GABRB1: variants seen among roughly 807,000 people sequenced by gnomAD.
GABRB1 encodes the protein gamma-aminobutyric acid receptor subunit beta-1.
A neutral mutation model predicts 51.6 loss-of-function variants in GABRB1; 17 were observed. The observed-to-expected ratio is 0.33, with a 90% CI of 0.23 to 0.49. The LOEUF (loss-of-function observed/expected upper bound fraction) is 0.49. GABRB1 is among the 20% of genes least tolerant of loss of function. GABRB1 has a pLI of 0.99. For missense variants in GABRB1, 410 were observed against 600.6 expected, an observed-to-expected ratio of 0.68 and a Z score of 3.32; for synonymous variants, 247 against 218.9, an observed-to-expected ratio of 1.13 and a Z score of -1.14.
chr4:47,137,751 C>A (rs961476872), intron 3 of GABRB1, among the ~76,000 whole-genome samples: 2 of 152,032 alleles, frequency 1.3e-5, no homozygotes, highest in African/African-American at 4.8e-5. Flanking sequence ...GTTATGTGAA[C>A]TATTTTCTTG....
intron 1 of GABRB1, among the ~76,000 whole-genome samples, chr4:47,017,495 C>T (rs1483287135): frequency 6.6e-6 from 1 of 152,086 alleles, no homozygotes; most frequent in Non-Finnish European, 1.5e-5. Context: ...CTATGACAAC[C>T]ACTGTAAGAA....
intron 3 of GABRB1, among the ~76,000 whole-genome samples, chr4:47,051,243 G>A (rs542626874): frequency 2.0e-5 from 3 of 152,242 alleles, no homozygotes; most frequent in African/African-American, 4.8e-5. Flanking sequence ...TTTGTTTCAG[G>A]GAAATGTTAA....
chr4:47,395,680 A>G (rs1340487240), intron 5 of GABRB1, among the ~76,000 whole-genome samples: 1 of 152,200 alleles, frequency 6.6e-6, no homozygotes, highest in Non-Finnish European at 1.5e-5. Context: ...TTGACTGTTA[A>G]TTTACTCACA....
At chr4:47,234,001 T>A (rs1486075755) in intron 4 of GABRB1, among the ~76,000 whole-genome samples, 1 of 152,208 alleles carries the variant, frequency 6.6e-6, no homozygotes, top group African/African-American at 2.4e-5. Flanking sequence ...TATTGCTTGA[T>A]GTGTGACAGA....
chr4:47,338,591 T>C (rs1258740051), intron 5 of GABRB1, among the ~76,000 whole-genome samples: 1 of 152,226 alleles, frequency 6.6e-6, no homozygotes, highest in Non-Finnish European at 1.5e-5. Flanking sequence ...GACACGTATT[T>C]CTCCCTATTA....
chr4:47,240,924 C>T (rs1721496298), intron 4 of GABRB1, among the ~76,000 whole-genome samples: 1 of 152,014 alleles, frequency 6.6e-6, no homozygotes, highest in African/African-American at 2.4e-5. Context: ...GCCTCCAATC[C>T]CTATATAATG....
chr4:47,245,046 T>C (rs991794741), intron 4 of GABRB1, among the ~76,000 whole-genome samples: 1 of 152,110 alleles, frequency 6.6e-6, no homozygotes, highest in African/African-American at 2.4e-5. Context: ...AAAAAATCCG[T>C]GAATCCAGGA....
chr4:47,063,316 ATATT>A (rs1560516939), intron 3 of GABRB1, among the ~76,000 whole-genome samples: 1 of 152,160 alleles, frequency 6.6e-6, no homozygotes, highest in Non-Finnish European at 1.5e-5. Context: ...ATGAAAGTGA[ATATT>A]TATTTAAGAT....
At chr4:47,065,020 G>GA (rs947774306) in intron 3 of GABRB1, among the ~76,000 whole-genome samples, 6 of 152,154 alleles carry the variant, frequency 3.9e-5, no homozygotes, top group Non-Finnish European at 8.8e-5. Context: ...TATTTAATTG[G>GA]AAAATACACA....
chr4:47,372,003 A>G (rs1727215336), intron 5 of GABRB1, among the ~76,000 whole-genome samples: 1 of 151,982 alleles, frequency 6.6e-6, no homozygotes, highest in African/African-American at 2.4e-5. Context: ...TTATTGTGAA[A>G]TCTTTGCCTG....
chr4:47,175,499 A>G (rs1429728872), intron 4 of GABRB1, among the ~76,000 whole-genome samples: 2 of 152,206 alleles, frequency 1.3e-5, no homozygotes, highest in African/African-American at 2.4e-5. Flanking sequence ...TCTTAACACT[A>G]TCTCCCTGAT....
chr4:47,287,048 G>A (rs1201151941), intron 4 of GABRB1, among the ~76,000 whole-genome samples: 1 of 152,142 alleles, frequency 6.6e-6, no homozygotes, highest in Non-Finnish European at 1.5e-5. Context: ...CATTGGCCCA[G>A]AGTATGTTCT....
At chr4:47,372,550 A>T (rs771394374) in intron 5 of GABRB1, among the ~76,000 whole-genome samples, 1 of 152,138 alleles carries the variant, frequency 6.6e-6, no homozygotes, top group Non-Finnish European at 1.5e-5. Flanking sequence ...CCAATTTAAA[A>T]TTTCAATCTC....
At chr4:47,210,803 G>A (rs1720324261) in intron 4 of GABRB1, among the ~76,000 whole-genome samples, 1 of 152,144 alleles carries the variant, frequency 6.6e-6, no homozygotes, top group African/African-American at 2.4e-5. Flanking sequence ...GAACTCTGGT[G>A]GGAGACAGAC....
intron 3 of GABRB1, among the ~76,000 whole-genome samples, chr4:47,110,789 C>A (rs1347892402): frequency 1.3e-5 from 2 of 152,112 alleles, no homozygotes; most frequent in Non-Finnish European, 2.9e-5. Context: ...AAAGATGAAG[C>A]AACATTAATT....
chr4:47,339,674 G>T (rs184847872), intron 5 of GABRB1, among the ~76,000 whole-genome samples: 1 of 151,970 alleles, frequency 6.6e-6, no homozygotes, highest in Admixed American at 6.6e-5. Flanking sequence ...CCCAGGAGAA[G>T]TTAAATGAAT....
chr4:47,257,109 A>G (rs1578040428), intron 4 of GABRB1, among the ~76,000 whole-genome samples: 1 of 152,192 alleles, frequency 6.6e-6, no homozygotes, highest in Non-Finnish European at 1.5e-5. Context: ...CTGGTAGAAG[A>G]TCAGACATAG....
intron 7 of GABRB1, 90 bp from the exon 8 acceptor site, chr4:47,406,592 G>A (rs1728576627): frequency 1.1e-5 from 16 of 1,511,156 alleles, no homozygotes; most frequent in Non-Finnish European, 1.5e-5. Flanking sequence ...GCACCAATAA[G>A]GAAGTGGCAA....
intron 4 of GABRB1, among the ~76,000 whole-genome samples, chr4:47,162,293 C>T (rs982996569): frequency 2.0e-5 from 3 of 151,916 alleles, no homozygotes; most frequent in Non-Finnish European, 4.4e-5. Flanking sequence ...ATGTAACTTC[C>T]GTCAGACATG....
Sources: gnomAD v4.1 joint callset for allele counts (sites outside exome capture counted in the v4.1 genomes callset) on GRCh38, gnomAD v4.1.1 for gene constraint, MANE v1.5 for transcripts, NCBI Gene and HGNC (gene_info 2026-07-23, HGNC 2026-07-21) for gene names.